Variants in CIZ1 observed in about 807,000 individuals in gnomAD.
CIZ1 encodes CDKN1A interacting zinc finger protein 1.
Under a neutral mutation model 118.6 loss-of-function variants are expected in CIZ1, and 58 were observed. That is an observed-to-expected ratio of 0.49 (90% CI 0.40 to 0.61). The LOEUF is 0.61. Ranked by LOEUF, CIZ1 falls within the 20% of genes least tolerant of loss-of-function variation. The pLI is 0.00. For synonymous variants in CIZ1, 448 were observed against 443.4 expected (o/e 1.01, Z -0.13); for missense variants, 921 against 1,115.9 (o/e 0.83, Z 2.49).
At position 128,180,444 on chromosome 9, in the gene CIZ1, C is replaced by G. The variant is rs139193991; in HGVS notation, c.762G>C (p.Ala254=). The G allele has an allele frequency of 6.2e-7, 1 of 1,614,110 alleles. No individual in the cohort carries two copies. Among genetic ancestry groups the G allele is most frequent in the South Asian group, 1.1e-5 (1 of 91,080 alleles). The part of the protein sequence containing the change: ...TPAPEPEPCE[A]SELPAKRLRS... Reference sequence around the variant, plus strand: ...TCAATCTCTTTGCTGGCAGCTCGGACGCCTCACAAGGCTCAGGCTCAGGTG... The same window carrying G: ...TCAATCTCTTTGCTGGCAGCTCGGAGGCCTCACAAGGCTCAGGCTCAGGTG... Residue 254 remains alanine (A), a synonymous_variant, in exon 7 of 17, where the codon GCG becomes GCC. Coordinates refer to ENST00000372938, the MANE Select transcript of CIZ1 (RefSeq NM_001131016.2).
rs186235429 is a variant in CIZ1, at chr9:128,188,860, G to A, written c.287-926C>T. On this transcript the variant is annotated intron_variant, in intron 3 of 16. Coordinates refer to ENST00000372938, the MANE Select transcript of CIZ1 (RefSeq NM_001131016.2). ...TGTTGCTGGGCTGGAGTACGGTGGC[G>A]CGATCTCAGCTCACTGCGACCTCCA... 3.5e-4 allele frequency among the ~76,000 whole-genome samples: 53 copies of A among 151,228 alleles called. 1 individual carries two copies. Among genetic ancestry groups the A allele is most frequent in the Non-Finnish European group, 5.6e-4 (38 of 67,854 alleles).
At chr9:128,177,463 G>T in intron 10 of CIZ1, 103 bp downstream of exon 10, 3 of 769,102 alleles carry the variant, frequency 3.9e-6, no homozygotes, top group Non-Finnish European at 5.8e-6. Context: ...ATGCATGGCT[G>T]CTTGGGGCAG....
intron 5 of CIZ1, 52 bp from the exon 6 acceptor site, chr9:128,180,866 C>T (rs757014738): frequency 4.4e-6 from 6 of 1,350,754 alleles, no homozygotes; most frequent in South Asian, 2.4e-5. Flanking sequence ...CCTATCAATA[C>T]CCCCTTGCCC....
At chr9:128,183,793 TC>T in intron 5 of CIZ1, among the ~76,000 whole-genome samples, 1 of 152,004 alleles carries the variant, frequency 6.6e-6, no homozygotes, top group East Asian at 1.9e-4. Context: ...TGAAATGGAG[TC>T]TCACTCTGTC....
chr9:128,181,764 CGGGGGG>C (rs74186833), intron 5 of CIZ1, among the ~76,000 whole-genome samples: 2 of 116,544 alleles, frequency 1.7e-5, no homozygotes, highest in South Asian at 2.7e-4. Flanking sequence ...CCAGGAAAGG[CGGGGGG>C]GGGGGGGGGG....
upstream of CIZ1, among the ~76,000 whole-genome samples, chr9:128,194,920 G>A (rs1336424282): frequency 2.6e-5 from 4 of 152,056 alleles, no homozygotes; most frequent in African/African-American, 9.7e-5. Context: ...CTGGCTCAAT[G>A]GAGCCTCCTA....
upstream of CIZ1, chr9:128,196,763 C>T (rs931631961): frequency 6.6e-6 from 1 of 152,106 alleles, no homozygotes; most frequent in Non-Finnish European, 1.5e-5. Context: ...GCCACCACGC[C>T]CGGCTAATTT....
chr9:128,184,279 G>C (rs763462661), intron 5 of CIZ1, among the ~76,000 whole-genome samples: 1 of 152,114 alleles, frequency 6.6e-6, no homozygotes, highest in Non-Finnish European at 1.5e-5. Context: ...ACACCAGATT[G>C]TGAAGATTTT....
intron 1 of CIZ1, among the ~76,000 whole-genome samples, chr9:128,198,623 G>A (rs960400229): frequency 6.6e-6 from 1 of 151,070 alleles, no homozygotes; most frequent in African/African-American, 2.4e-5. Context: ...CACGAGGTCA[G>A]GAGATCGACA....
intron 4 of CIZ1, among the ~76,000 whole-genome samples, chr9:128,186,622 C>G (rs1449236139): frequency 1.3e-5 from 2 of 152,212 alleles, no homozygotes; most frequent in Admixed American, 1.3e-4. Flanking sequence ...TTCCATAGCT[C>G]CCTGCTGTTG....
upstream of CIZ1, among the ~76,000 whole-genome samples, chr9:128,193,009 C>T (rs1363015743): frequency 3.3e-5 from 5 of 152,204 alleles, no homozygotes; most frequent in African/African-American, 1.2e-4. Flanking sequence ...GGAGGGCGCT[C>T]GGGCAGCAGA....
At chr9:128,175,683 G>A (rs559199142) in intron 11 of CIZ1, among the ~76,000 whole-genome samples, 1 of 152,234 alleles carries the variant, frequency 6.6e-6, no homozygotes, top group South Asian at 2.1e-4. Context: ...TTTGAAATTG[G>A]GAGATTTCAC....
At chr9:128,192,164 A>G (rs544190266), upstream of CIZ1, among the ~76,000 whole-genome samples, 2 of 152,194 alleles carry the variant, frequency 1.3e-5, no homozygotes, top group South Asian at 4.2e-4. Context: ...CCGAGGCTGG[A>G]GGATCAAGAC....
At chr9:128,198,603 G>GAAT (rs1833433620) in intron 1 of CIZ1, among the ~76,000 whole-genome samples, 4 of 151,908 alleles carry the variant, frequency 2.6e-5, no homozygotes, top group Admixed American at 2.6e-4. Flanking sequence ...GGAGGCCGAG[G>GAAT]CGGGCAGATC....
chr9:128,179,516 T>A, intron 7 of CIZ1, 101 bp from the exon 8 acceptor site: 1 of 1,058,866 alleles, frequency 9.4e-7, no homozygotes, highest in Non-Finnish European at 1.3e-6. Flanking sequence ...CTCGCATCTG[T>A]AAACCCAGCA....
upstream of CIZ1, among the ~76,000 whole-genome samples, chr9:128,195,417 A>C (rs1833353141): frequency 1.3e-5 from 2 of 151,716 alleles, no homozygotes; most frequent in South Asian, 4.2e-4. Flanking sequence ...TCCTGGATTT[A>C]AGTGATTCTC....
In CIZ1 at chr9:128,191,543, C is replaced by A. The variant is rs1160984239; in HGVS notation, c.-117G>T. Reference sequence around the variant, plus strand: ...GGCCCGCGGGCTCCCGGCCTCCCCGCTGCTACTCCGGGGCCTGTGGGCTCG... The same window carrying A: ...GGCCCGCGGGCTCCCGGCCTCCCCGATGCTACTCCGGGGCCTGTGGGCTCG... On this transcript the variant is annotated 5_prime_UTR_variant, in exon 1 of 17. Transcript: ENST00000372938. This position sits in a 1 kb window ranked among gnomAD's most constrained non-coding sequence, Gnocchi z 5.5. The A allele has an allele frequency of 5.7e-6, 6 of 1,046,080 alleles. No individual in the cohort carries two copies. Among genetic ancestry groups the A allele is most frequent in the Non-Finnish European group, 6.9e-6 (6 of 869,464 alleles). The allele number at this position is 1,046,080 out of a possible 1,614,324, so 64.8% of individuals were successfully genotyped here. A position where few individuals can be genotyped will look rare whatever the true frequency, so the allele number is the denominator to read the frequency against.
In CIZ1 at chr9:128,173,818, A is replaced by G. The variant is rs568894622; in HGVS notation, c.1943+2533T>C. Reference sequence around the variant, plus strand: ...TCAGGAGATCAAGACCATCCTGGCTAACACAGAGAAACCCTGTCTCTACTA... The same window carrying G: ...TCAGGAGATCAAGACCATCCTGGCTGACACAGAGAAACCCTGTCTCTACTA... On this transcript the variant is annotated intron_variant, in intron 11 of 16. Coordinates refer to ENST00000372938, the MANE Select transcript of CIZ1 (RefSeq NM_001131016.2). Among the ~76,000 whole-genome samples, 109 of 152,100 alleles carry G rather than the reference A, an allele frequency of 7.2e-4. 1 individual carries two copies. The East Asian group carries it at 0.011, about 15-fold the overall frequency.
chr9:128,203,478 A>G lies in CIZ1; in HGVS notation c.-6+708T>C. On this transcript the variant is annotated intron_variant, in intron 1 of 17. Transcript: ENST00000372948. The surrounding 1 kb of genome is among the most constrained non-coding windows in gnomAD (Gnocchi z 5.3). The stretch of plus-strand genomic sequence containing the variant: ...GCGGGGCCCGCCGCAGCCATGGGCA[A>G]CCGCGGCATGGAAGATCTCATCCCG... The G allele has an allele frequency of 6.6e-7, 1 of 1,508,506 alleles. No individual in the cohort carries two copies. The highest frequency in any genetic ancestry group is 1.2e-5 in the South Asian group (1 of 80,374). 93.4% of individuals were successfully genotyped at this position (1,508,506 alleles called of 1,614,324 possible). A position where few individuals can be genotyped will look rare whatever the true frequency, so the allele number is the denominator to read the frequency against.
Sources: gnomAD v4.1 joint callset for allele counts (sites outside exome capture counted in the v4.1 genomes callset) on GRCh38, gnomAD v4.1.1 for gene constraint, Gnocchi (gnomAD v3.1) non-coding constraint, MANE v1.5 for transcripts, NCBI Gene and HGNC (gene_info 2026-07-23, HGNC 2026-07-21) for gene names.